Variants in CDKN2C observed in about 807,000 individuals in gnomAD.
The protein encoded by CDKN2C is cyclin-dependent kinase 4 inhibitor C.
A neutral mutation model predicts 11.0 loss-of-function variants in CDKN2C; 5 were observed. The observed-to-expected ratio is 0.45, with a 90% CI of 0.24 to 0.95. CDKN2C has a LOEUF of 0.95. CDKN2C is among the 40% of genes least tolerant of loss of function. The pLI is 0.21. For synonymous variants in CDKN2C, 79 were observed against 88.3 expected (o/e 0.89, Z 0.59); for missense variants, 161 against 211.9 (o/e 0.76, Z 1.49).
upstream of CDKN2C, among the ~76,000 whole-genome samples, chr1:50,966,879 A>G (rs909906871): frequency 6.6e-6 from 1 of 151,940 alleles, no homozygotes; most frequent in Non-Finnish European, 1.5e-5. Context: ...TTTTATTTCT[A>G]TATAAGGAAG....
At chr1:50,964,548 T>A (rs1036036025) in intron 1 of CDKN2C, among the ~76,000 whole-genome samples, 3 of 152,212 alleles carry the variant, frequency 2.0e-5, no homozygotes, top group African/African-American at 7.2e-5. Context: ...ACTGCACATA[T>A]GTATTTCATC....
intron 1 of CDKN2C, among the ~76,000 whole-genome samples, chr1:50,971,904 A>C (rs2147957243): frequency 6.6e-6 from 1 of 152,286 alleles, no homozygotes; most frequent in East Asian, 1.9e-4. Context: ...TTGTACATAT[A>C]ACGAAACACA....
Position 50,973,882 on chromosome 1 carries a change from T to G in CDKN2C, c.130-11T>G. ...ACTTGAAGGATTCTACCATTTCTAC[T>G]TCTTTTCCAGGTTATGAAACTTGGA... On this transcript the variant is annotated splice_polypyrimidine_tract_variant and intron_variant, in intron 1 of 1. Transcript: ENST00000371761. The G allele has an allele frequency of 6.2e-7, 1 of 1,614,074 alleles. No homozygotes were observed. Among genetic ancestry groups the G allele is most frequent in the Non-Finnish European group, 8.5e-7 (1 of 1,179,934 alleles).
chr1:50,960,917 A>G (rs1277220125), intron 1 of CDKN2C: 2 of 152,200 alleles, frequency 1.3e-5, no homozygotes, highest in African/African-American at 4.8e-5. Flanking sequence ...AAAAAGGGAA[A>G]ACCTTTCTAC....
At chr1:50,972,238 G>A (rs3176463) in intron 1 of CDKN2C, among the ~76,000 whole-genome samples, 3,046 of 152,082 alleles carry the variant, frequency 0.02, 101 homozygotes, top group African/African-American at 0.071. Flanking sequence ...AGGGACAGTT[G>A]TGGTCGTATC....
At position 50,965,102 on chromosome 1, in the gene CDKN2C, G is replaced by A. The variant is rs184021459; in HGVS notation, c.-1975-2834G>A. Among the ~76,000 whole-genome samples the A allele has an allele frequency of 3.1e-3, 315 of 103,172 alleles. 3 individuals are homozygous for A. The highest frequency in any genetic ancestry group is 4.2e-3 in the Non-Finnish European group (204 of 48,092). 67.7% of individuals were successfully genotyped at this position (103,172 alleles called of 152,430 possible). On this transcript the variant is annotated intron_variant, in intron 1 of 3. Transcript: ENST00000262662. ...GATAGATAGATAGATAGATAGATAT[G>A]CATCATATTTTATAACCATGAAACA...
upstream of CDKN2C, among the ~76,000 whole-genome samples, chr1:50,966,738 T>TAA (rs34594257): frequency 7.1e-5 from 10 of 141,692 alleles, no homozygotes; most frequent in African/African-American, 1.6e-4. Flanking sequence ...ACCAGAATGT[T>TAA]AAAAAAAAAA....
At chr1:50,962,844 T>G (rs960202249) in intron 1 of CDKN2C, among the ~76,000 whole-genome samples, 7 of 152,204 alleles carry the variant, frequency 4.6e-5, no homozygotes, top group African/African-American at 1.7e-4. Context: ...GAAAAAACAA[T>G]TATGAAAATG....
chr1:50,965,330 T>G (rs534396202), upstream of CDKN2C, among the ~76,000 whole-genome samples: 2 of 151,996 alleles, frequency 1.3e-5, no homozygotes, highest in South Asian at 2.1e-4. Context: ...AAACCCCATC[T>G]CTACTAAAAA....
chr1:50,973,771 G>C, intron 1 of CDKN2C, 122 bp from the exon 2 acceptor site: 2 of 1,215,650 alleles, frequency 1.6e-6, no homozygotes, highest in Non-Finnish European at 2.4e-6. Context: ...CATCCTATGG[G>C]TCTTCCGCAA....
At chr1:50,972,148 C>T (rs538910731) in intron 1 of CDKN2C, among the ~76,000 whole-genome samples, 1 of 152,202 alleles carries the variant, frequency 6.6e-6, no homozygotes, top group African/African-American at 2.4e-5. Context: ...AGGCCTTAAT[C>T]GTATGTTTGC....
upstream of CDKN2C, among the ~76,000 whole-genome samples, chr1:50,966,386 G>T (rs1048738693): frequency 3.3e-5 from 5 of 151,910 alleles, no homozygotes; most frequent in Admixed American, 2.6e-4. Flanking sequence ...TGGAGCAAAA[G>T]GTTTCCATGA....
At chr1:50,969,605 G>T (rs1645368626), upstream of CDKN2C, 1 of 152,824 alleles carries the variant, frequency 6.5e-6, no homozygotes. The surrounding 1 kb of genome is among the most constrained non-coding windows in gnomAD (Gnocchi z 6.6). Context: ...TTCCTGAGCG[G>T]CATTAGCCCA....
chr1:50,973,825 C>A (rs1212137813), intron 1 of CDKN2C, 68 bp from the exon 2 acceptor site: 4 of 1,524,118 alleles, frequency 2.6e-6, no homozygotes, highest in African/African-American at 2.7e-5. Flanking sequence ...GAAGGACAGG[C>A]AGATATTTTA....
chr1:50,962,441 T>C (rs1645329065), intron 1 of CDKN2C, among the ~76,000 whole-genome samples: 1 of 152,138 alleles, frequency 6.6e-6, no homozygotes, highest in Admixed American at 6.5e-5. Context: ...TCAGCACAAA[T>C]GTGAATCATG....
intron 1 of CDKN2C, among the ~76,000 whole-genome samples, chr1:50,961,023 TTTA>T (rs1645317529): frequency 6.6e-6 from 1 of 151,426 alleles, no homozygotes; most frequent in Non-Finnish European, 1.5e-5. Flanking sequence ...TTTTTATTTA[TTTA>T]TTTATTTATT....
intron 1 of CDKN2C, 106 bp downstream of exon 1, chr1:50,970,603 T>C: frequency 7.6e-7 from 1 of 1,316,624 alleles, no homozygotes; most frequent in South Asian, 1.2e-5. Flanking sequence ...AATTTCACTG[T>C]TTTTAAACCT....
intron 1 of CDKN2C, among the ~76,000 whole-genome samples, chr1:50,962,167 G>A (rs1184601075): frequency 6.6e-6 from 1 of 152,218 alleles, no homozygotes; most frequent in Non-Finnish European, 1.5e-5. Context: ...GATCACTTGA[G>A]GTCAGGAGTT....
At chr1:50,961,284 C>T (rs1645320993) in intron 1 of CDKN2C, among the ~76,000 whole-genome samples, 3 of 152,204 alleles carry the variant, frequency 2.0e-5, no homozygotes, top group Non-Finnish European at 4.4e-5. Context: ...GTGATCCGCC[C>T]TCCTCGGCCT....
Sources: gnomAD v4.1 joint callset for allele counts (sites outside exome capture counted in the v4.1 genomes callset) on GRCh38, gnomAD v4.1.1 for gene constraint, Gnocchi (gnomAD v3.1) non-coding constraint, MANE v1.5 for transcripts, NCBI Gene and HGNC (gene_info 2026-07-23, HGNC 2026-07-21) for gene names.